The following RARRES1 variants were observed in gnomAD, a reference collection of about 807,000 sequenced individuals.
The protein encoded by RARRES1 is retinoic acid receptor responder protein 1.
RARRES1 carries 34 observed loss-of-function variants against 30.6 expected under a neutral mutation model. The ratio of observed to expected loss-of-function variants is 1.11; its 90% CI spans 0.84 to 1.48. The LOEUF is 1.48. Ranked by LOEUF, RARRES1 falls within the 40% of genes most tolerant of loss-of-function variation. The pLI is 0.00. For missense variants in RARRES1, 373 were observed against 386.5 expected (o/e 0.97, Z 0.29); for synonymous variants, 153 against 155.5 (o/e 0.98, Z 0.12).
chr3:158,702,140 C>G (rs543413000), intron 4 of RARRES1, among the ~76,000 whole-genome samples: 1 of 152,126 alleles, frequency 6.6e-6, no homozygotes, highest in Non-Finnish European at 1.5e-5. Context: ...CGGGTTCAAG[C>G]GATTCTCCTA....
intron 1 of RARRES1, among the ~76,000 whole-genome samples, chr3:158,727,337 C>T (rs1289661655): frequency 2.0e-5 from 3 of 152,168 alleles, no homozygotes; most frequent in Admixed American, 6.5e-5. Flanking sequence ...ATGCTTTGAT[C>T]AAGTGTTTAA....
intron 1 of RARRES1, among the ~76,000 whole-genome samples, chr3:158,731,028 CTGT>C (rs1727867200): frequency 1.3e-5 from 2 of 152,120 alleles, no homozygotes; most frequent in Admixed American, 6.5e-5. Context: ...GGTGATCCAC[CTGT>C]CTCGGCCTCC....
Position 158,697,510 on chromosome 3 carries a change from C to T in RARRES1, c.*168G>A, listed in dbSNP as rs568766893. On this transcript the variant is annotated 3_prime_UTR_variant, in exon 6 of 6. Coordinates refer to ENST00000237696, the MANE Select transcript of RARRES1 (RefSeq NM_206963.2). ...GCGCTTCCAGAGTTAAAAGCTAAAGCAGACTGAGAAACAAAAAACCAACAT... is the reference window on the plus strand; with the variant it reads ...GCGCTTCCAGAGTTAAAAGCTAAAGTAGACTGAGAAACAAAAAACCAACAT... The T allele has an allele frequency of 2.3e-4, 164 of 706,078 alleles. No individual in the cohort carries two copies. The highest frequency in any genetic ancestry group is 8.1e-4 in the Middle Eastern group (2 of 2,476). 43.7% of individuals were successfully genotyped at this position (706,078 alleles called of 1,614,324 possible).
chr3:158,704,362 C>G (rs1726841594), intron 4 of RARRES1, among the ~76,000 whole-genome samples: 2 of 151,614 alleles, frequency 1.3e-5, no homozygotes, highest in Admixed American at 1.3e-4. Flanking sequence ...GTCCCGAGTA[C>G]CTGGGACTAT....
intron 1 of RARRES1, among the ~76,000 whole-genome samples, chr3:158,729,533 C>T (rs934719139): frequency 5.3e-5 from 8 of 152,048 alleles, no homozygotes; most frequent in Non-Finnish European, 1.0e-4. Context: ...TCACTGCAAC[C>T]TCTGCCTCCC....
At chr3:158,714,520 A>G (rs1727255219) in intron 1 of RARRES1, among the ~76,000 whole-genome samples, 1 of 152,216 alleles carries the variant, frequency 6.6e-6, no homozygotes, top group Non-Finnish European at 1.5e-5. Context: ...AATCACCAAC[A>G]CTGAAGAAGT....
intron 3 of RARRES1, among the ~76,000 whole-genome samples, chr3:158,708,954 G>C (rs1310787551): frequency 6.6e-6 from 1 of 152,084 alleles, no homozygotes; most frequent in Non-Finnish European, 1.5e-5. Context: ...ACCGCGCCTG[G>C]CCCCCCTGAG....
rs59553050 is a variant in RARRES1 at position 158,728,210 on chromosome 3, T to TTAA, written c.276+3929_276+3930insTTA. ...CGTTTGTAGTCTATACTATTTCGTTTAAAAAAAAAAAAAACCGGATCCCAC... is the reference window on the plus strand; with the variant it reads ...CGTTTGTAGTCTATACTATTTCGTTTTAAAAAAAAAAAAAAAACCGGATCCCAC... On this transcript the variant is annotated intron_variant, in intron 1 of 5. Coordinates refer to ENST00000237696, the MANE Select transcript of RARRES1 (RefSeq NM_206963.2). Among the ~76,000 whole-genome samples, 83 of 145,010 alleles carry TTAA rather than the reference T, an allele frequency of 5.7e-4. 1 individual carries two copies. Among genetic ancestry groups the TTAA allele is most frequent in the Admixed American group, 7.6e-4 (11 of 14,480 alleles).
chr3:158,715,055 G>A (rs1007185721), intron 1 of RARRES1, among the ~76,000 whole-genome samples: 1 of 152,158 alleles, frequency 6.6e-6, no homozygotes, highest in Admixed American at 6.5e-5. Flanking sequence ...GAGAATTCCC[G>A]AGAGCACTGC....
chr3:158,705,604 C>G (rs1726893185), intron 3 of RARRES1: 1 of 152,164 alleles, frequency 6.6e-6, no homozygotes, highest in Non-Finnish European at 1.5e-5. Context: ...CTGTGCTGGC[C>G]AAGAAGCATT....
intron 3 of RARRES1, among the ~76,000 whole-genome samples, chr3:158,710,497 C>T (rs924242284): frequency 3.9e-5 from 6 of 152,092 alleles, no homozygotes; most frequent in African/African-American, 9.7e-5. Context: ...CATGAGCCAC[C>T]GCGCCCAGCT....
intron 4 of RARRES1, chr3:158,698,231 AT>A (rs1329333830): frequency 2.3e-6 from 1 of 430,830 alleles, no homozygotes; most frequent in Admixed American, 4.1e-5. Context: ...GAATAGGGAG[AT>A]TCTTTTAACA....
chr3:158,704,210 CTTTTTTTTTTTTT>C (rs78169321), intron 4 of RARRES1, among the ~76,000 whole-genome samples: 2,131 of 82,812 alleles, frequency 0.026, 38 homozygotes, highest in African/African-American at 0.04. Context: ...TATTGCAATA[CTTTTTTTTTTTTT>C]TTTTTTTTTT....
At chr3:158,698,713 G>GT (rs1726630373) in intron 4 of RARRES1, among the ~76,000 whole-genome samples, 2 of 149,468 alleles carry the variant, frequency 1.3e-5, no homozygotes, top group Middle Eastern at 3.2e-3. Flanking sequence ...CTGTTCACTA[G>GT]TAAAAATGGA....
chr3:158,707,384 A>G (rs1393792376), intron 3 of RARRES1, among the ~76,000 whole-genome samples: 2 of 152,322 alleles, frequency 1.3e-5, no homozygotes, highest in Middle Eastern at 3.4e-3. Context: ...AAACTGGTCA[A>G]CAGAACTCTG....
chr3:158,717,553 G>A (rs982639732), intron 1 of RARRES1, among the ~76,000 whole-genome samples: 3 of 152,234 alleles, frequency 2.0e-5, no homozygotes, highest in African/African-American at 4.8e-5. Context: ...GCTGGGACCC[G>A]GTAAGAGGCT....
chr3:158,704,692 A>T (rs1003971955), intron 4 of RARRES1, 99 bp downstream of exon 4: 6 of 1,470,242 alleles, frequency 4.1e-6, no homozygotes, highest in Non-Finnish European at 5.4e-6. Flanking sequence ...TGTGATTACA[A>T]CTCTTGATAT....
chr3:158,728,536 G>GTTTTTTTTTTTTTTTTTTTTT (rs1553746148), intron 1 of RARRES1, among the ~76,000 whole-genome samples: 2 of 141,692 alleles, frequency 1.4e-5, no homozygotes. Context: ...TTTTTTTTTG[G>GTTTTTTTTTTTTTTTTTTTTT]TTTTTGAGAC....
At chr3:158,699,955 C>T (rs1726671818) in intron 4 of RARRES1, among the ~76,000 whole-genome samples, 1 of 152,156 alleles carries the variant, frequency 6.6e-6, no homozygotes, top group Non-Finnish European at 1.5e-5. Context: ...ATGTCCCACA[C>T]CAGCTGGATA....
Sources: gnomAD v4.1 joint callset for allele counts (sites outside exome capture counted in the v4.1 genomes callset) on GRCh38, gnomAD v4.1.1 for gene constraint, MANE v1.5 for transcripts, NCBI Gene and HGNC (gene_info 2026-07-23, HGNC 2026-07-21) for gene names.